Variants in KCNN2 observed in about 807,000 individuals in gnomAD.
The protein encoded by KCNN2 is small conductance calcium-activated potassium channel protein 2.
A neutral mutation model predicts 55.5 loss-of-function variants in KCNN2; 24 were observed. The ratio of observed to expected loss-of-function variants is 0.43; its 90% CI spans 0.31 to 0.61. The LOEUF (loss-of-function observed/expected upper bound fraction) is 0.61. Ranked by LOEUF, KCNN2 falls within the 20% of genes least tolerant of loss-of-function variation. The probability of loss-of-function intolerance (pLI) is 0.08; values close to 1 mark genes in which losing one functional copy is unlikely to be tolerated. For missense variants in KCNN2, 754 were observed against 853.6 expected, an observed-to-expected ratio of 0.88 and a Z score of 1.45; for synonymous variants, 431 against 336.1, an observed-to-expected ratio of 1.28 and a Z score of -3.09.
chr5:114,252,478 T>C (rs1327432710), intron 2 of KCNN2, among the ~76,000 whole-genome samples: 4 of 152,142 alleles, frequency 2.6e-5, no homozygotes, highest in African/African-American at 9.7e-5. Context: ...TTTGTACAGA[T>C]ATGTTCCCTC....
chr5:114,095,368 T>C (rs1751234448), intron 1 of KCNN2, among the ~76,000 whole-genome samples: 1 of 152,214 alleles, frequency 6.6e-6, no homozygotes, highest in Non-Finnish European at 1.5e-5. Flanking sequence ...TTGCCAGGCA[T>C]TGTGCTAAAT....
At chr5:114,367,777 G>A (rs1757644412) in intron 2 of KCNN2, among the ~76,000 whole-genome samples, 1 of 151,970 alleles carries the variant, frequency 6.6e-6, no homozygotes, top group East Asian at 1.9e-4. Context: ...AGCTTCCACT[G>A]CATCTTTTCA....
intron 2 of KCNN2, among the ~76,000 whole-genome samples, chr5:114,253,272 G>A (rs1254706240): frequency 6.6e-6 from 1 of 151,976 alleles, no homozygotes; most frequent in Non-Finnish European, 1.5e-5. Flanking sequence ...ATAATCTGAA[G>A]GGAGAGGAGG....
At chr5:114,160,357 TG>T (rs1353273852) in intron 1 of KCNN2, among the ~76,000 whole-genome samples, 2 of 152,234 alleles carry the variant, frequency 1.3e-5, no homozygotes, top group African/African-American at 4.8e-5. Flanking sequence ...GATTGCACTG[TG>T]GTCTGAGAGA....
chr5:114,353,203 C>T (rs1270667584), intron 2 of KCNN2, among the ~76,000 whole-genome samples: 2 of 151,624 alleles, frequency 1.3e-5, no homozygotes, highest in African/African-American at 4.8e-5. Flanking sequence ...AATGTAGCCA[C>T]TCCAATACTT....
At chr5:114,117,715 A>T (rs1353498881) in intron 1 of KCNN2, among the ~76,000 whole-genome samples, 1 of 152,144 alleles carries the variant, frequency 6.6e-6, no homozygotes, top group Non-Finnish European at 1.5e-5. Flanking sequence ...CAGTGGGAAG[A>T]ACTGCATGAC....
chr5:114,403,886 C>T (rs1004035494), intron 2 of KCNN2, among the ~76,000 whole-genome samples: 30 of 152,100 alleles, frequency 2.0e-4, no homozygotes, highest in African/African-American at 6.3e-4. Context: ...ATAGAGTAGT[C>T]GTGGGGAAAC....
intron 1 of KCNN2, among the ~76,000 whole-genome samples, chr5:114,197,032 A>G (rs966441845): frequency 6.6e-6 from 1 of 151,966 alleles, no homozygotes; most frequent in African/African-American, 2.4e-5. Context: ...GTTTTGTTTC[A>G]TTGTGTTTTC....
At chr5:114,068,676 A>G (rs1481077430) in intron 1 of KCNN2, among the ~76,000 whole-genome samples, 2 of 152,240 alleles carry the variant, frequency 1.3e-5, no homozygotes, top group Non-Finnish European at 2.9e-5. Flanking sequence ...AGGGAAAATA[A>G]TTCACAGTGT....
At chr5:114,197,940 C>G (rs1379146269) in intron 1 of KCNN2, among the ~76,000 whole-genome samples, 2 of 152,048 alleles carry the variant, frequency 1.3e-5, no homozygotes, top group African/African-American at 4.8e-5. Context: ...GCATTTAGGA[C>G]AATTTCCAGG....
In KCNN2 at chr5:114,278,748, G is replaced by T. The variant is rs1366530361; in HGVS notation, c.-185+57183G>T. Among the ~76,000 whole-genome samples the T allele has an allele frequency of 2.6e-5, 4 of 152,298 alleles. 1 individual carries two copies. The highest frequency in any genetic ancestry group is 2.6e-4 in the Admixed American group (4 of 15,298). On this transcript the variant is annotated intron_variant, in intron 2 of 10. Coordinates refer to the KCNN2 transcript ENST00000512097. The stretch of plus-strand genomic sequence containing the variant: ...GAAAGTGCAGTATTTGGGCAGGAGT[G>T]TACCGCTCCTCCAGGTACAGTCACT...
At chr5:114,085,559 T>G (rs72797622) in intron 1 of KCNN2, among the ~76,000 whole-genome samples, 14,234 of 152,016 alleles carry the variant, frequency 0.094, 803 homozygotes, top group Non-Finnish European at 0.13. Flanking sequence ...TTAGTATAAT[T>G]TCAGATTTTA....
At chr5:114,370,890 T>C (rs1252593093) in intron 2 of KCNN2, among the ~76,000 whole-genome samples, 1 of 152,182 alleles carries the variant, frequency 6.6e-6, no homozygotes, top group Non-Finnish European at 1.5e-5. Context: ...ATGATCCAGC[T>C]GAATGTTTAA....
intron 2 of KCNN2, among the ~76,000 whole-genome samples, chr5:114,277,630 G>A (rs1416009172): frequency 6.6e-6 from 1 of 152,046 alleles, no homozygotes; most frequent in East Asian, 1.9e-4. Flanking sequence ...GATCAAATCA[G>A]CTACTGAAGC....
At chr5:114,090,312 C>T (rs958617815) in intron 1 of KCNN2, among the ~76,000 whole-genome samples, 3 of 152,058 alleles carry the variant, frequency 2.0e-5, no homozygotes, top group Non-Finnish European at 4.4e-5. Flanking sequence ...TTCTGTGGCA[C>T]ACTCAAGATA....
intron 5 of KCNN2, among the ~76,000 whole-genome samples, chr5:114,477,513 G>T (rs913807645): frequency 6.6e-6 from 1 of 151,760 alleles, no homozygotes; most frequent in African/African-American, 2.4e-5. Flanking sequence ...AAAAATGGCC[G>T]ACAGGTACAT....
intron 1 of KCNN2, among the ~76,000 whole-genome samples, chr5:114,068,823 T>C (rs1750505819): frequency 6.6e-6 from 1 of 152,172 alleles, no homozygotes; most frequent in Non-Finnish European, 1.5e-5. Flanking sequence ...TTTTTCTTTT[T>C]CTTTTCTTTT....
intron 1 of KCNN2, among the ~76,000 whole-genome samples, chr5:114,199,676 A>G (rs1453606726): frequency 1.3e-5 from 2 of 151,590 alleles, no homozygotes; most frequent in East Asian, 1.9e-4. Context: ...AGACTCCTTT[A>G]GACATTTCCT....
At chr5:114,079,066 TG>T (rs1248016182) in intron 1 of KCNN2, among the ~76,000 whole-genome samples, 1 of 152,198 alleles carries the variant, frequency 6.6e-6, no homozygotes, top group Non-Finnish European at 1.5e-5. Flanking sequence ...TCCACTACCC[TG>T]AGCCTCAAAT....
Sources: gnomAD v4.1 joint callset for allele counts (sites outside exome capture counted in the v4.1 genomes callset) on GRCh38, gnomAD v4.1.1 for gene constraint, MANE v1.5 for transcripts, NCBI Gene and HGNC (gene_info 2026-07-23, HGNC 2026-07-21) for gene names.